Variants in AATF observed in about 807,000 individuals in gnomAD.
AATF encodes protein AATF.
Under a neutral mutation model 63.7 loss-of-function variants are expected in AATF, and 48 were observed. That is an observed-to-expected ratio of 0.75 (90% CI 0.60 to 0.96). The LOEUF is 0.96. Ranked by LOEUF, AATF falls within the 40% of genes least tolerant of loss-of-function variation. The pLI is 0.00. For synonymous variants in AATF, 258 were observed against 247.7 expected (o/e 1.04, Z -0.39); for missense variants, 639 against 685.7 (o/e 0.93, Z 0.76).
intron 4 of AATF, among the ~76,000 whole-genome samples, chr17:36,976,488 G>C (rs879208283): frequency 6.6e-6 from 1 of 152,184 alleles, no homozygotes; most frequent in Non-Finnish European, 1.5e-5. Context: ...TTCTTGAAAG[G>C]ATTAGGTGAA....
intron 10 of AATF, among the ~76,000 whole-genome samples, chr17:37,028,340 G>C (rs962958116): frequency 2.0e-5 from 3 of 152,006 alleles, no homozygotes; most frequent in African/African-American, 7.2e-5. Context: ...AGGCAGAGGT[G>C]GGGGGATGGC....
intron 10 of AATF, 37 bp from the exon 11 acceptor site, chr17:37,031,577 A>T: frequency 6.5e-7 from 1 of 1,528,274 alleles, no homozygotes. Context: ...GTTAATAGTT[A>T]CTAATGTTGC....
Position 36,990,818 on chromosome 17 carries a change from G to C in AATF, c.1359G>C (p.Leu453Phe). 6.3e-7 allele frequency: 1 copy of C among 1,594,642 alleles called. No homozygotes were observed. Among genetic ancestry groups the C allele is most frequent in the Non-Finnish European group, 8.5e-7 (1 of 1,173,448 alleles). ...CTGCTAATGCTCATCTGAAGGACTT[G>C]GATGAAGAAATCTTTGATGATGATG... Reference protein sequence around the residue: ...QAPANAHLKDLDEEIFDDDDF... With the variant: ...QAPANAHLKDFDEEIFDDDDF... The change falls in exon 8 of 12, where the codon TTG (leucine) becomes TTC (phenylalanine). Residue 453 changes from leucine to phenylalanine, a missense_variant. By Grantham distance (22) the Leu-to-Phe change is conservative (BLOSUM62 0). Transcript: ENST00000619387.
At chr17:36,983,214 G>T (rs552538214) in intron 4 of AATF, among the ~76,000 whole-genome samples, 2 of 151,940 alleles carry the variant, frequency 1.3e-5, no homozygotes, top group East Asian at 3.9e-4. Flanking sequence ...GCTAATTTTT[G>T]TATTTTTTTG....
chr17:37,036,766 A>G (rs904944845), intron 11 of AATF, among the ~76,000 whole-genome samples: 4 of 152,046 alleles, frequency 2.6e-5, no homozygotes, highest in Non-Finnish European at 2.9e-5. Context: ...GATACTTTCT[A>G]TGTGCTGGTC....
intron 8 of AATF, among the ~76,000 whole-genome samples, chr17:37,018,387 A>G (rs2071443854): frequency 3.3e-5 from 5 of 152,216 alleles, no homozygotes; most frequent in Admixed American, 3.3e-4. Flanking sequence ...TATGCAAATG[A>G]CTTTCTTTAG....
chr17:37,053,157 G>A (rs377390804), intron 11 of AATF, among the ~76,000 whole-genome samples: 5 of 152,012 alleles, frequency 3.3e-5, no homozygotes, highest in African/African-American at 9.7e-5. Context: ...CTTCATTCTG[G>A]CAATAAATAA....
intron 8 of AATF, among the ~76,000 whole-genome samples, chr17:37,012,985 G>GA (rs371534568): frequency 3.4e-4 from 52 of 152,098 alleles, no homozygotes; most frequent in African/African-American, 1.1e-3. Context: ...AATGACAAAA[G>GA]AAAAAATTGG....
chr17:37,009,482 T>A (rs921900111), intron 8 of AATF, among the ~76,000 whole-genome samples: 1 of 151,624 alleles, frequency 6.6e-6, no homozygotes. Flanking sequence ...ATTCAAGTAC[T>A]CTTGGAATGG....
intron 11 of AATF, among the ~76,000 whole-genome samples, chr17:37,040,718 G>T (rs576712890): frequency 1.6e-4 from 23 of 145,106 alleles, no homozygotes; most frequent in East Asian, 9.8e-4. Flanking sequence ...ACTTATTTGG[G>T]GGGGGGAACT....
chr17:37,011,333 C>T (rs1048694154), intron 8 of AATF, among the ~76,000 whole-genome samples: 4 of 152,126 alleles, frequency 2.6e-5, no homozygotes, highest in Admixed American at 2.6e-4. Flanking sequence ...AGAGATAGCA[C>T]CACGGCACTC....
intron 4 of AATF, among the ~76,000 whole-genome samples, chr17:36,964,326 C>T (rs2070974031): frequency 6.6e-6 from 1 of 151,710 alleles, no homozygotes; most frequent in South Asian, 2.1e-4. Context: ...TGGAGATGGG[C>T]CAGTGCACAG....
At chr17:36,953,420 C>G (rs2070873279) in intron 3 of AATF, 124 bp downstream of exon 3, 3 of 1,465,930 alleles carry the variant, frequency 2.0e-6, no homozygotes, top group Non-Finnish European at 9.1e-7. Context: ...TGACATGCCC[C>G]ACTTACCCAG....
At chr17:36,962,563 C>A (rs2070956317) in intron 4 of AATF, among the ~76,000 whole-genome samples, 1 of 146,272 alleles carries the variant, frequency 6.8e-6, no homozygotes, top group African/African-American at 2.8e-5. Context: ...GCATCAGAAA[C>A]AATTTTTTTT....
intron 4 of AATF, 127 bp from the exon 5 acceptor site, chr17:36,986,490 T>C (rs2071169739): frequency 1.4e-6 from 1 of 696,226 alleles, no homozygotes; most frequent in African/African-American, 1.8e-5. Flanking sequence ...TTAGTTCCTG[T>C]GTGTATCCTG....
intron 4 of AATF, among the ~76,000 whole-genome samples, chr17:36,967,284 A>G (rs2070998605): frequency 6.6e-6 from 1 of 152,158 alleles, no homozygotes; most frequent in Non-Finnish European, 1.5e-5. Context: ...TTACATTATT[A>G]TGTCTGTAAA....
At chr17:37,038,093 C>G (rs907214295) in intron 11 of AATF, among the ~76,000 whole-genome samples, 1 of 152,128 alleles carries the variant, frequency 6.6e-6, no homozygotes, top group Non-Finnish European at 1.5e-5. Context: ...AATTACCCAG[C>G]CTCAAATATT....
At chr17:36,977,575 C>A (rs1373163337) in intron 4 of AATF, among the ~76,000 whole-genome samples, 1 of 151,672 alleles carries the variant, frequency 6.6e-6, no homozygotes, top group Non-Finnish European at 1.5e-5. Flanking sequence ...TAATAAGTTT[C>A]CTTTCTTCAC....
rs757318165 is a variant in AATF, at chr17:37,031,566, G to A, written c.1548-48G>A. On this transcript the variant is annotated intron_variant, in intron 10 of 11. Transcript: ENST00000619387. ...CTCACTGAATGTGTTTCCTCTCCTA[G>A]GTTAATAGTTACTAATGTTGCTGCC... 1 of 1,432,840 alleles carries A rather than the reference G, an allele frequency of 7.0e-7. No individual in the cohort carries two copies. Among genetic ancestry groups the A allele is most frequent in the Non-Finnish European group, 9.9e-7 (1 of 1,014,750 alleles). 88.8% of individuals were successfully genotyped at this position (1,432,840 alleles called of 1,614,324 possible).
Sources: gnomAD v4.1 joint callset for allele counts (sites outside exome capture counted in the v4.1 genomes callset) on GRCh38, gnomAD v4.1.1 for gene constraint, MANE v1.5 for transcripts, NCBI Gene and HGNC (gene_info 2026-07-23, HGNC 2026-07-21) for gene names.